The following ST6GAL1 variants were observed in gnomAD, a reference collection of about 807,000 sequenced individuals.
ST6GAL1 encodes the protein ST6 beta-galactoside alpha-2,6-sialyltransferase 1.
ST6GAL1 carries 20 observed loss-of-function variants against 38.0 expected under a neutral mutation model. The observed-to-expected ratio is 0.53, with a 90% CI of 0.37 to 0.77. The LOEUF (loss-of-function observed/expected upper bound fraction) is 0.77. Ranked by LOEUF, ST6GAL1 falls within the 30% of genes least tolerant of loss-of-function variation. The pLI is 0.00. For missense variants in ST6GAL1, 432 were observed against 496.4 expected, an observed-to-expected ratio of 0.87 and a Z score of 1.23; for synonymous variants, 196 against 188.2, an observed-to-expected ratio of 1.04 and a Z score of -0.34.
chr3:187,010,931 C>A (rs1385444798), intron 2 of ST6GAL1, among the ~76,000 whole-genome samples: 1 of 152,122 alleles, frequency 6.6e-6, no homozygotes, highest in African/African-American at 2.4e-5. Context: ...CCTTTCTAAA[C>A]CAAAGTATAA....
chr3:186,986,069 C>A (rs917150286), intron 2 of ST6GAL1, among the ~76,000 whole-genome samples: 2 of 152,160 alleles, frequency 1.3e-5, no homozygotes, highest in Admixed American at 1.3e-4. Context: ...GAACCGACTT[C>A]AGTTATTTGA....
intron 5 of ST6GAL1, among the ~76,000 whole-genome samples, chr3:187,058,250 C>T (rs1305223471): frequency 6.6e-6 from 1 of 152,210 alleles, no homozygotes; most frequent in Non-Finnish European, 1.5e-5. Flanking sequence ...CTTGCGCTTC[C>T]TGGGTGAGGT....
chr3:186,955,591 C>A (rs1714719818), intron 1 of ST6GAL1, among the ~76,000 whole-genome samples: 1 of 152,052 alleles, frequency 6.6e-6, no homozygotes, highest in Non-Finnish European at 1.5e-5. Flanking sequence ...CAACCTCCAC[C>A]TCCCGGGTTC....
Position 186,952,594 on chromosome 3 carries a change from T to A in ST6GAL1, c.-324-11191T>A, listed in dbSNP as rs1339368538. On this transcript the variant is annotated intron_variant, in intron 1 of 7. Transcript: ENST00000169298. The surrounding 1 kb of genome is among the most constrained non-coding windows in gnomAD (Gnocchi z 4.1). ...ATCTCAGCTCACTGCAACCTCCGCCTCCCGGGTTCAAGCGCTTCTCTGTTG... is the reference window on the plus strand; with the variant it reads ...ATCTCAGCTCACTGCAACCTCCGCCACCCGGGTTCAAGCGCTTCTCTGTTG... Among the ~76,000 whole-genome samples, 1 of 152,094 alleles carries A rather than the reference T, an allele frequency of 6.6e-6. No homozygotes were observed. The highest frequency in any genetic ancestry group is 1.5e-5 in the Non-Finnish European group (1 of 68,006).
At chr3:187,064,380 G>A (rs1290100088) in intron 5 of ST6GAL1, 1 of 389,242 alleles carries the variant, frequency 2.6e-6, no homozygotes, top group African/African-American at 2.1e-5. Context: ...TGCCCAGTAG[G>A]CACATGTATT....
At chr3:187,022,414 A>C (rs537516081) in intron 2 of ST6GAL1, among the ~76,000 whole-genome samples, 3 of 152,290 alleles carry the variant, frequency 2.0e-5, no homozygotes, top group Non-Finnish European at 2.9e-5. Flanking sequence ...AGTGCGTTTT[A>C]GGGATTCTTT....
chr3:187,067,105 TTTGG>T (rs1719185475), intron 5 of ST6GAL1, among the ~76,000 whole-genome samples: 2 of 110,606 alleles, frequency 1.8e-5, no homozygotes, highest in African/African-American at 9.3e-5. Context: ...TTTTTTTTTT[TTTGG>T]AGACAGAGTC....
chr3:187,037,943 A>T, intron 2 of ST6GAL1, among the ~76,000 whole-genome samples: 1 of 150,726 alleles, frequency 6.6e-6, no homozygotes, highest in African/African-American at 2.4e-5. Context: ...TTTTTTTCTG[A>T]ATTTGGATAG....
chr3:186,995,515 A>T lies in ST6GAL1; in HGVS notation c.-183+31589A>T, dbSNP rs1406828325. ...AGTGAGACACCATCTCAAAAAAAAAATAATAATAAAATAAAAAAAAAATAA... is the reference window on the plus strand; with the variant it reads ...AGTGAGACACCATCTCAAAAAAAAATTAATAATAAAATAAAAAAAAAATAA... On this transcript the variant is annotated intron_variant, in intron 2 of 7. Coordinates refer to ENST00000169298, the MANE Select transcript of ST6GAL1 (RefSeq NM_173216.2). Among the ~76,000 whole-genome samples, 85 of 124,286 alleles carry T rather than the reference A, an allele frequency of 6.8e-4. 1 individual carries two copies. Among genetic ancestry groups the T allele is most frequent in the African/African-American group, 2.7e-3 (83 of 30,686 alleles). The allele number at this position is 124,286 out of a possible 152,430, so 81.5% of individuals were successfully genotyped here.
chr3:187,074,103 G>T, intron 6 of ST6GAL1, 56 bp from the exon 7 acceptor site: 1 of 1,496,544 alleles, frequency 6.7e-7, no homozygotes. Context: ...GACTCCTGGG[G>T]GGAGCAGCTC....
At chr3:187,050,097 A>G (rs571175689) in intron 4 of ST6GAL1, among the ~76,000 whole-genome samples, 1 of 152,340 alleles carries the variant, frequency 6.6e-6, no homozygotes, top group Non-Finnish European at 1.5e-5. Context: ...ACTGAAATAA[A>G]GAGAGAGGCT....
At chr3:186,971,172 T>C (rs751113424) in intron 2 of ST6GAL1, among the ~76,000 whole-genome samples, 11 of 152,224 alleles carry the variant, frequency 7.2e-5, no homozygotes, top group Non-Finnish European at 1.5e-4. Context: ...CACTGCAACC[T>C]CCACCTCCCG....
chr3:186,951,338 T>G (rs1560139554), intron 1 of ST6GAL1, among the ~76,000 whole-genome samples: 1 of 152,228 alleles, frequency 6.6e-6, no homozygotes, highest in South Asian at 2.1e-4. Flanking sequence ...ATTACAGGCA[T>G]GAGCCACTGC....
chr3:187,027,021 C>A (rs1357390245), intron 2 of ST6GAL1, among the ~76,000 whole-genome samples: 1 of 151,618 alleles, frequency 6.6e-6, no homozygotes, highest in African/African-American at 2.4e-5. Context: ...TGCACTCCAG[C>A]CTGGGCGACA....
chr3:187,016,659 G>A (rs6781114), intron 2 of ST6GAL1, among the ~76,000 whole-genome samples: 47,851 of 152,156 alleles, frequency 0.31, 7,953 homozygotes, highest in Middle Eastern at 0.43. Context: ...AGAAAGTGCA[G>A]ATATAAAATG....
At position 187,076,867 on chromosome 3, in the gene ST6GAL1, T is replaced by A. The variant is rs1368431083; in HGVS notation, c.*1064T>A. On this transcript the variant is annotated 3_prime_UTR_variant, in exon 8 of 8. Transcript: ENST00000169298. Reference sequence around the variant, plus strand: ...GGCAATCCAGAGCCACAAAACGTGATTCCTCCAGGCTCTGCCTGGCCTGAC... The same window carrying A: ...GGCAATCCAGAGCCACAAAACGTGAATCCTCCAGGCTCTGCCTGGCCTGAC... The A allele has an allele frequency of 5.0e-6, 2 of 398,900 alleles. No individual in the cohort carries two copies. Among genetic ancestry groups the A allele is most frequent in the Non-Finnish European group, 8.8e-6 (2 of 226,076 alleles). The allele number at this position is 398,900 out of a possible 1,614,324, so 24.7% of individuals were successfully genotyped here.
chr3:187,074,642 T>G (rs1455048598), intron 7 of ST6GAL1, among the ~76,000 whole-genome samples: 1 of 152,106 alleles, frequency 6.6e-6, no homozygotes, highest in Non-Finnish European at 1.5e-5. Flanking sequence ...CAGTTGCTTA[T>G]AGCCTCATGG....
chr3:187,041,103 G>A (rs1718111036), intron 3 of ST6GAL1, among the ~76,000 whole-genome samples: 1 of 152,180 alleles, frequency 6.6e-6, no homozygotes, highest in South Asian at 2.1e-4. Context: ...TACCTTCTGT[G>A]CCTTTTTGCT....
rs536556690 is a variant in ST6GAL1 at position 186,971,676 on chromosome 3, T to C, written c.-183+7750T>C. ...TTTAGTCATTGTCCTGGGTAGCCCATGAAAAGTGATATTTTATAGAGCTGT... is the reference window on the plus strand; with the variant it reads ...TTTAGTCATTGTCCTGGGTAGCCCACGAAAAGTGATATTTTATAGAGCTGT... On this transcript the variant is annotated intron_variant, in intron 2 of 7. Transcript: ENST00000169298. Among the ~76,000 whole-genome samples the C allele has an allele frequency of 4.6e-5, 7 of 152,352 alleles. No individual in the cohort carries two copies. In the South Asian group the frequency reaches 1.5e-3, roughly 32 times the overall value.
Sources: allele counts gnomAD v4.1 joint callset (sites outside exome capture counted in the v4.1 genomes callset), GRCh38; gene constraint gnomAD v4.1.1; non-coding constraint Gnocchi (gnomAD v3.1); transcripts MANE v1.5; gene names NCBI Gene and HGNC (gene_info 2026-07-23, HGNC 2026-07-21).